SGMS1: variants seen among roughly 807,000 people sequenced by gnomAD.
SGMS1 encodes the protein phosphatidylcholine:ceramide cholinephosphotransferase 1.
In SGMS1, 13 loss-of-function variants were observed where a neutral mutation model predicts 46.2. The ratio of observed to expected loss-of-function variants is 0.28; its 90% confidence interval spans 0.18 to 0.45. The LOEUF is 0.45. Among genes scored for constraint, SGMS1 ranks in the 20% least tolerant of loss-of-function variants. The pLI, the probability that SGMS1 is intolerant of heterozygous loss-of-function variation, is 1.00. For synonymous variants in SGMS1, 203 were observed against 187.8 expected (o/e 1.08, Z -0.66); for missense variants, 324 against 519.9 (o/e 0.62, Z 3.66).
chr10:50,590,664 G>A (rs1228436625), intron 1 of SGMS1: 1 of 151,970 alleles, frequency 6.6e-6, no homozygotes, highest in Non-Finnish European at 1.5e-5. Context: ...GAGTTTTCTG[G>A]TAAAAACAAG....
intron 3 of SGMS1, among the ~76,000 whole-genome samples, chr10:50,516,043 C>T (rs1462217345): frequency 6.6e-6 from 1 of 152,148 alleles, no homozygotes; most frequent in Non-Finnish European, 1.5e-5. Flanking sequence ...AAATTAGAGA[C>T]ATGCCTAATG....
At chr10:50,522,971 C>T (rs1208718674) in intron 2 of SGMS1, among the ~76,000 whole-genome samples, 3 of 152,168 alleles carry the variant, frequency 2.0e-5, no homozygotes, top group African/African-American at 7.2e-5. Context: ...ACTCCAGTCT[C>T]TGCTTTCTCA....
intron 6 of SGMS1, among the ~76,000 whole-genome samples, chr10:50,393,209 C>A (rs1848800716): frequency 2.0e-5 from 3 of 152,078 alleles, no homozygotes; most frequent in African/African-American, 4.8e-5. Flanking sequence ...CAAAGTGGGA[C>A]CTAACCCTGA....
chr10:50,421,073 C>T (rs1056508150), intron 6 of SGMS1, among the ~76,000 whole-genome samples: 6 of 152,114 alleles, frequency 3.9e-5, no homozygotes, highest in Non-Finnish European at 5.9e-5. Context: ...CACAAGAGAA[C>T]AGGATAACTG....
chr10:50,373,476 T>C (rs1326518999), intron 6 of SGMS1, among the ~76,000 whole-genome samples: 2 of 152,238 alleles, frequency 1.3e-5, no homozygotes, highest in Admixed American at 6.5e-5. Context: ...GAGAGCATTA[T>C]GTGATCATAA....
intron 1 of SGMS1, among the ~76,000 whole-genome samples, chr10:50,591,584 C>CATATAAATGTAT (rs1308222153): frequency 1.3e-5 from 2 of 152,242 alleles, no homozygotes; most frequent in East Asian, 1.9e-4. Context: ...CATTTATATA[C>CATATAAATGTAT]ATACATGCAC....
chr10:50,556,235 A>G (rs144184852), intron 2 of SGMS1, among the ~76,000 whole-genome samples: 1 of 152,334 alleles, frequency 6.6e-6, no homozygotes, highest in African/African-American at 2.4e-5. Context: ...AAATAACTAC[A>G]GAGCCTCTAC....
In SGMS1 at chr10:50,348,005, T is replaced by G. The variant is rs541235153; in HGVS notation, c.-231-3660A>C. On this transcript the variant is annotated intron_variant, in intron 6 of 10. Coordinates refer to ENST00000361781, the MANE Select transcript of SGMS1 (RefSeq NM_147156.4). ...TTAAGCCCCTCATGCATTAGGTATT[T>G]GTCCTAACGCTTTCCCTCCCCTTTC... 1.1e-3 allele frequency among the ~76,000 whole-genome samples: 164 copies of G among 152,288 alleles called. 2 individuals are homozygous for G. The Middle Eastern group carries it at 0.027, about 25-fold the overall frequency.
intron 2 of SGMS1, among the ~76,000 whole-genome samples, chr10:50,533,181 T>G (rs1024656534): frequency 6.6e-6 from 1 of 152,226 alleles, no homozygotes; most frequent in Non-Finnish European, 1.5e-5. Context: ...AACACTATTA[T>G]ACAAGTATTG....
At chr10:50,538,826 A>G (rs1044084947) in intron 2 of SGMS1, among the ~76,000 whole-genome samples, 2 of 152,214 alleles carry the variant, frequency 1.3e-5, no homozygotes, top group Non-Finnish European at 2.9e-5. Context: ...AAAAGAGTAG[A>G]GCAAGTTTTG....
At chr10:50,606,048 T>C (rs1838691617) in intron 1 of SGMS1, among the ~76,000 whole-genome samples, 1 of 152,208 alleles carries the variant, frequency 6.6e-6, no homozygotes, top group Non-Finnish European at 1.5e-5. Context: ...ACACCTGTGT[T>C]CACAGCAGCA....
At chr10:50,591,922 A>G (rs1007898075) in intron 1 of SGMS1, among the ~76,000 whole-genome samples, 1 of 152,218 alleles carries the variant, frequency 6.6e-6, no homozygotes, top group Non-Finnish European at 1.5e-5. Flanking sequence ...AATGACTAAC[A>G]CGCGAAGTAC....
intron 3 of SGMS1, among the ~76,000 whole-genome samples, chr10:50,497,616 A>C (rs1227717562): frequency 6.6e-6 from 1 of 152,156 alleles, no homozygotes; most frequent in Admixed American, 6.5e-5. Context: ...AACATAGTGA[A>C]ACCCTGTCTC....
intron 1 of SGMS1, among the ~76,000 whole-genome samples, chr10:50,619,120 G>A (rs1045920886): frequency 2.0e-5 from 3 of 152,018 alleles, no homozygotes; most frequent in Non-Finnish European, 2.9e-5. Context: ...GCGACAGACC[G>A]AGACTCTGTC....
chr10:50,312,608 G>C (rs899315091), intron 8 of SGMS1, among the ~76,000 whole-genome samples: 4 of 152,180 alleles, frequency 2.6e-5, no homozygotes, highest in Admixed American at 2.0e-4. Flanking sequence ...AATGCCTTTA[G>C]ATTTTGTGGG....
chr10:50,606,605 T>C (rs1838696416), intron 1 of SGMS1, among the ~76,000 whole-genome samples: 1 of 152,250 alleles, frequency 6.6e-6, no homozygotes, highest in Admixed American at 6.5e-5. Flanking sequence ...CTACCAAAGT[T>C]GTCTTCAGCT....
chr10:50,363,466 C>G (rs1465977324), intron 6 of SGMS1, among the ~76,000 whole-genome samples: 3 of 152,214 alleles, frequency 2.0e-5, no homozygotes, highest in Non-Finnish European at 4.4e-5. Context: ...TAATAAGTTT[C>G]TCTAGATTCT....
chr10:50,595,564 T>G (rs1237429276), intron 1 of SGMS1, among the ~76,000 whole-genome samples: 1 of 152,188 alleles, frequency 6.6e-6, no homozygotes. Context: ...CTCTGAGAGT[T>G]TAAGTAACTT....
At chr10:50,624,636 A>C, upstream of SGMS1, 5 of 984,900 alleles carry the variant, frequency 5.1e-6, no homozygotes, top group Non-Finnish European at 6.0e-6. Flanking sequence ...GCTGCGGCGA[A>C]AACCCGGAGA....
Sources: gnomAD v4.1 joint callset for allele counts (sites outside exome capture counted in the v4.1 genomes callset) on GRCh38, gnomAD v4.1.1 for gene constraint, MANE v1.5 for transcripts, NCBI Gene and HGNC (gene_info 2026-07-23, HGNC 2026-07-21) for gene names.